PCDHA4: variants seen among roughly 807,000 people sequenced by gnomAD.
PCDHA4 encodes protocadherin alpha-4.
Under a neutral mutation model 61.4 loss-of-function variants are expected in PCDHA4, and 49 were observed. The ratio of observed to expected loss-of-function variants is 0.80; its 90% CI spans 0.63 to 1.01. PCDHA4 has a LOEUF of 1.01. Among genes scored for constraint, PCDHA4 ranks in the 50% least tolerant of loss-of-function variants. The probability of loss-of-function intolerance (pLI) is 0.00; values close to 1 mark genes in which losing one functional copy is unlikely to be tolerated. For missense variants in PCDHA4, 1,254 were observed against 1,235.8 expected (o/e 1.01, Z -0.22); for synonymous variants, 590 against 550.3 (o/e 1.07, Z -1.01).
intron 1 of PCDHA4, chr5:140,864,284 T>C (rs573508000): frequency 1.3e-5 from 2 of 152,220 alleles, no homozygotes; most frequent in Non-Finnish European, 2.9e-5. Flanking sequence ...CCTTATTGTT[T>C]TTATGTATTC....
In PCDHA4 at chr5:140,935,562, C is replaced by T. The variant is rs180759633; in HGVS notation, c.2386-43387C>T. Among the ~76,000 whole-genome samples, 423 of 152,262 alleles carry T rather than the reference C, an allele frequency of 2.8e-3. 2 individuals carry two copies. The highest frequency in any genetic ancestry group is 0.014 in the Middle Eastern group (4 of 294). On this transcript the variant is annotated intron_variant, in intron 1 of 3. Transcript: ENST00000530339. Reference sequence around the variant, plus strand: ...TGTTTTAAAGTATCTTGGAAAAGTTCCTCTCTGTGTAGTTAAGCCACCAGC... The same window carrying T: ...TGTTTTAAAGTATCTTGGAAAAGTTTCTCTCTGTGTAGTTAAGCCACCAGC...
chr5:140,872,919 A>G (rs1554166439), intron 1 of PCDHA4, among the ~76,000 whole-genome samples: 1 of 152,176 alleles, frequency 6.6e-6, no homozygotes, highest in Non-Finnish European at 1.5e-5. Flanking sequence ...GTAATGCCTT[A>G]TCTCTAATGT....
intron 3 of PCDHA4, among the ~76,000 whole-genome samples, chr5:140,997,904 A>G (rs1446627520): frequency 6.6e-6 from 1 of 152,224 alleles, no homozygotes; most frequent in Non-Finnish European, 1.5e-5. Flanking sequence ...TTCAAGAAGT[A>G]GAATTACAGA....
intron 3 of PCDHA4, among the ~76,000 whole-genome samples, chr5:141,007,673 A>C (rs2098339698): frequency 6.6e-6 from 1 of 152,136 alleles, no homozygotes; most frequent in African/African-American, 2.4e-5. Flanking sequence ...ACAAAGACAA[A>C]AGTTATCCTA....
intron 1 of PCDHA4, among the ~76,000 whole-genome samples, chr5:140,925,132 T>G (rs2082347636): frequency 6.6e-6 from 1 of 151,168 alleles, no homozygotes; most frequent in Non-Finnish European, 1.5e-5. Context: ...GAAAAAAAAT[T>G]TCAAACATAC....
rs1360812183 is a variant in PCDHA4 at position 140,807,639 on chromosome 5, G to T, written c.452G>T (p.Arg151Leu). Residue 151 changes from arginine to leucine, a missense_variant, in exon 1 of 4, where the codon CGG becomes CTG. Transcript: ENST00000530339. ...GCGGAATCCAGGCCGCTTGACTCTC[G>T]GTTTCCACTAGAGGGCGCCTCGGAT... ...SIAESRPLDS[R>L]FPLEGASDAD... is the part of the protein sequence containing the mutation. 3.1e-6 allele frequency: 5 copies of T among 1,614,070 alleles called. No homozygotes were observed. Among genetic ancestry groups the T allele is most frequent in the Non-Finnish European group, 4.2e-6 (5 of 1,180,048 alleles).
At chr5:140,816,910 T>C (rs1766023355) in intron 1 of PCDHA4, 1 of 152,134 alleles carries the variant, frequency 6.6e-6, no homozygotes. Context: ...AGCCCTCAGT[T>C]ATAGATTCTG....
At chr5:140,825,834 A>G (rs1018722361) in intron 1 of PCDHA4, 1 of 152,430 alleles carries the variant, frequency 6.6e-6, no homozygotes, top group Non-Finnish European at 1.5e-5. Context: ...TAAAAAAATA[A>G]ATATACCATG....
chr5:140,876,190 C>A (rs782463342), intron 1 of PCDHA4: 1 of 1,613,936 alleles, frequency 6.2e-7, no homozygotes, highest in Non-Finnish European at 8.5e-7. Context: ...TGACAATGGT[C>A]CGGCGTTTGA....
intron 1 of PCDHA4, chr5:140,823,017 C>T: frequency 6.2e-7 from 1 of 1,614,228 alleles, no homozygotes; most frequent in Admixed American, 1.7e-5. Context: ...CCCTGGACCG[C>T]GAGAGCGTGT....
rs2051668710 is a variant in PCDHA4, at chr5:140,870,104, CA to C, written c.2385+60533del. The C allele has an allele frequency of 1.9e-6, 3 of 1,613,930 alleles. No individual in the cohort carries two copies. In the East Asian group the frequency reaches 6.7e-5, roughly 36 times the overall value. On this transcript the variant is annotated intron_variant, in intron 1 of 3. Coordinates refer to ENST00000530339, the MANE Select transcript of PCDHA4 (RefSeq NM_018907.4). ...ACTCCCCCAATGGCAGGTCACTGTACAGTCTGGGTGGAAATCTTGGACACCA... is the reference window on the plus strand; with the variant it reads ...ACTCCCCCAATGGCAGGTCACTGTACGTCTGGGTGGAAATCTTGGACACCA...
At chr5:140,875,758 T>C (rs1562702075) in intron 1 of PCDHA4, 1 of 1,614,186 alleles carries the variant, frequency 6.2e-7, no homozygotes. Context: ...CGAGAAGCTG[T>C]GCGGGCGGAG....
chr5:140,967,471 A>G (rs2096144842), intron 1 of PCDHA4: 3 of 1,613,466 alleles, frequency 1.9e-6, no homozygotes, highest in Middle Eastern at 1.7e-4. Context: ...GGGGCATCCC[A>G]GCCCGCTCGG....
At chr5:140,863,231 C>A in intron 1 of PCDHA4, 2 of 1,227,658 alleles carry the variant, frequency 1.6e-6, no homozygotes, top group Non-Finnish European at 2.3e-6. Context: ...AAGGTCCCAT[C>A]GCGGGCTTTG....
At chr5:140,979,129 A>T (rs1316213932) in intron 2 of PCDHA4, 122 bp downstream of exon 2, 1 of 1,477,514 alleles carries the variant, frequency 6.8e-7, no homozygotes, top group Non-Finnish European at 9.0e-7. Flanking sequence ...CTTTGCCAGG[A>T]AAATGCAATT....
At chr5:140,920,411 T>G (rs533328116) in intron 1 of PCDHA4, among the ~76,000 whole-genome samples, 39 of 152,352 alleles carry the variant, frequency 2.6e-4, no homozygotes, top group Middle Eastern at 3.4e-3. Flanking sequence ...TTTAATCAGA[T>G]ACAGCTGTTC....
intron 1 of PCDHA4, chr5:140,856,300 T>C (rs1251498133): frequency 1.3e-6 from 2 of 1,598,422 alleles, no homozygotes; most frequent in African/African-American, 2.7e-5. Context: ...GCATTTTGTT[T>C]GTGAATTCTC....
chr5:140,969,281 A>C, intron 1 of PCDHA4: 5 of 1,614,220 alleles, frequency 3.1e-6, no homozygotes, highest in Non-Finnish European at 3.4e-6. Context: ...AAGTGGTCAG[A>C]ATGCTGGGAA....
intron 1 of PCDHA4, chr5:140,824,046 G>C (rs2150131772): frequency 1.2e-6 from 2 of 1,614,126 alleles, no homozygotes; most frequent in Non-Finnish European, 1.7e-6. Context: ...GACAGAGGGT[G>C]TGCTCTGGGG....
Sources: gnomAD v4.1 joint callset for allele counts (sites outside exome capture counted in the v4.1 genomes callset) on GRCh38, gnomAD v4.1.1 for gene constraint, MANE v1.5 for transcripts, NCBI Gene and HGNC (gene_info 2026-07-23, HGNC 2026-07-21) for gene names.